CBL: variants seen among roughly 807,000 people sequenced by gnomAD.
The protein encoded by CBL is Cbl proto-oncogene.
In CBL, 45 loss-of-function variants were observed where a neutral mutation model predicts 96.9. That is an observed-to-expected ratio of 0.46 (90% CI 0.37 to 0.60). The LOEUF (loss-of-function observed/expected upper bound fraction) is 0.60. Among genes scored for constraint, CBL ranks in the 20% least tolerant of loss-of-function variants. The probability of loss-of-function intolerance (pLI) is 0.00; values close to 1 mark genes in which losing one functional copy is unlikely to be tolerated. For missense variants in CBL, 1,024 were observed against 1,143.5 expected, an observed-to-expected ratio of 0.90 and a Z score of 1.51; for synonymous variants, 420 against 426.8, an observed-to-expected ratio of 0.98 and a Z score of 0.20.
chr11:119,287,337 G>A (rs1170606883), intron 11 of CBL, among the ~76,000 whole-genome samples: 2 of 152,238 alleles, frequency 1.3e-5, no homozygotes, highest in Non-Finnish European at 2.9e-5. Flanking sequence ...GTTGATGGAA[G>A]CATCAGCAAG....
intron 12 of CBL, among the ~76,000 whole-genome samples, chr11:119,295,741 C>G (rs745311368): frequency 1.3e-5 from 2 of 152,006 alleles, no homozygotes; most frequent in African/African-American, 4.8e-5. Context: ...ACTGTCCTCC[C>G]GCCATCTCAT....
intron 2 of CBL, among the ~76,000 whole-genome samples, chr11:119,250,087 C>T (rs1157843068): frequency 6.6e-6 from 1 of 151,774 alleles, no homozygotes; most frequent in Non-Finnish European, 1.5e-5. Context: ...TGCCAGACAT[C>T]GTTAATCTTA....
At chr11:119,287,816 G>A in intron 11 of CBL, 36 bp from the exon 12 acceptor site, 1 of 1,340,780 alleles carries the variant, frequency 7.5e-7, no homozygotes, top group Non-Finnish European at 1.1e-6. Context: ...GCTGTGGTAA[G>A]AAAGTTGTTT....
chr11:119,285,474 C>G lies in CBL; in HGVS notation c.1849C>G (p.Arg617Gly), dbSNP rs538013681. The change falls in exon 11 of 16, where the codon CGG becomes GGG. Residue 617 changes from arginine to glycine, a missense_variant. This residue lies in a region of CBL where 695 missense variants were observed against 661.6 expected (regional missense o/e 1.05). Coordinates refer to ENST00000264033, the MANE Select transcript of CBL (RefSeq NM_005188.4). ...CTGGACAGGAAGAGAATTAACCAACCGGCACTCACTTCCATTTTCATTGCC... is the reference window on the plus strand; with the variant it reads ...CTGGACAGGAAGAGAATTAACCAACGGGCACTCACTTCCATTTTCATTGCC... Reference protein sequence around the residue: ...DPWTGRELTNRHSLPFSLPSQ... With the variant: ...DPWTGRELTNGHSLPFSLPSQ... The G allele has an allele frequency of 1.2e-6, 2 of 1,614,122 alleles. No individual in the cohort carries two copies. Among genetic ancestry groups the G allele is most frequent in the East Asian group, 2.2e-5 (1 of 44,886 alleles).
At chr11:119,262,926 C>T (rs888244004) in intron 2 of CBL, among the ~76,000 whole-genome samples, 1 of 152,220 alleles carries the variant, frequency 6.6e-6, no homozygotes, top group Non-Finnish European at 1.5e-5. Flanking sequence ...AGAGCCCTGG[C>T]TCTTGAATTT....
intron 12 of CBL, among the ~76,000 whole-genome samples, chr11:119,292,365 G>A (rs753279303): frequency 5.5e-5 from 8 of 145,752 alleles, no homozygotes; most frequent in Non-Finnish European, 9.0e-5. Context: ...GAGCTCTTAT[G>A]CTGATGTCTT....
At chr11:119,245,642 T>A (rs745626353) in intron 2 of CBL, among the ~76,000 whole-genome samples, 1 of 151,994 alleles carries the variant, frequency 6.6e-6, no homozygotes, top group Admixed American at 6.6e-5. Flanking sequence ...GGCAGGAGAA[T>A]CACTTGAACC....
At chr11:119,245,865 GCTGGAATTT>G (rs1949624294) in intron 2 of CBL, among the ~76,000 whole-genome samples, 1 of 151,350 alleles carries the variant, frequency 6.6e-6, no homozygotes. Flanking sequence ...TGTTGCCCGG[GCTGGAATTT>G]CTGTTGTTAT....
chr11:119,250,648 T>C (rs1328071445), intron 2 of CBL, among the ~76,000 whole-genome samples: 1 of 152,184 alleles, frequency 6.6e-6, no homozygotes, highest in Non-Finnish European at 1.5e-5. Context: ...TATTGCCTGG[T>C]GTCCAGTTTG....
chr11:119,284,986 T>A lies in CBL; in HGVS notation c.1449T>A (p.Ser483=). 2 of 1,614,158 alleles carry A rather than the reference T, an allele frequency of 1.2e-6. No homozygotes were observed. Among genetic ancestry groups the A allele is most frequent in the South Asian group, 2.2e-5 (2 of 91,080 alleles). The stretch of plus-strand genomic sequence containing the variant: ...TACCCTAGGTGGAACGGCCGCCTTC[T>A]CCATTCTCCATGGCCCCACAAGCTT... The part of the protein sequence containing the change: ...LAGAKVERPP[S]PFSMAPQASL... The change falls in exon 10 of 16, where the codon TCT becomes TCA. Residue 483 remains serine (S), a synonymous_variant. Coordinates refer to ENST00000264033, the MANE Select transcript of CBL (RefSeq NM_005188.4).
At chr11:119,267,348 T>TG (rs1295248873) in intron 2 of CBL, among the ~76,000 whole-genome samples, 1 of 152,242 alleles carries the variant, frequency 6.6e-6, no homozygotes, top group Non-Finnish European at 1.5e-5. Context: ...TTTGTTTGTG[T>TG]GGCTTACTTC....
intron 2 of CBL, among the ~76,000 whole-genome samples, chr11:119,263,696 A>C (rs965617231): frequency 5.3e-5 from 8 of 152,202 alleles, no homozygotes; most frequent in Non-Finnish European, 8.8e-5. Flanking sequence ...TAAGTCGATG[A>C]TAAGAGTTAA....
At chr11:119,208,617 C>T (rs1949293443) in intron 1 of CBL, among the ~76,000 whole-genome samples, 1 of 152,108 alleles carries the variant, frequency 6.6e-6, no homozygotes, top group Non-Finnish European at 1.5e-5. Flanking sequence ...TCTCGAACTC[C>T]TGACCTCAGG....
chr11:119,253,450 CAAA>C (rs66912490), intron 2 of CBL, among the ~76,000 whole-genome samples: 9 of 84,996 alleles, frequency 1.1e-4, no homozygotes, highest in Admixed American at 1.3e-4. Context: ...GACCTCATCT[CAAA>C]AAAAAAAAAA....
intron 11 of CBL, among the ~76,000 whole-genome samples, chr11:119,286,214 C>G (rs1480828830): frequency 6.6e-6 from 1 of 152,012 alleles, no homozygotes; most frequent in Non-Finnish European, 1.5e-5. Flanking sequence ...GCAGGAGATT[C>G]ATTTGAACCT....
chr11:119,245,956 CTTTTTTTTTTTTTTTTTTTT>C (rs71048054), intron 2 of CBL, among the ~76,000 whole-genome samples: 931 of 54,408 alleles, frequency 0.017, 34 homozygotes, highest in South Asian at 0.052. Flanking sequence ...CTTTGCAAAT[CTTTTTTTTTTTTTTTTTTTT>C]TTTTTTTTTT....
intron 2 of CBL, among the ~76,000 whole-genome samples, chr11:119,266,959 A>G (rs1220340979): frequency 6.6e-6 from 1 of 152,208 alleles, no homozygotes. Context: ...AGTTAAGGTA[A>G]CTGCTGACAG....
chr11:119,301,039 G>C lies in CBL; in HGVS notation c.*1258G>C. Reference sequence around the variant, plus strand: ...TTTAAGGAGTGGGGATAATGTCCACGGTGGCCCAGCCTCTTGCTGATGGCA... The same window carrying C: ...TTTAAGGAGTGGGGATAATGTCCACCGTGGCCCAGCCTCTTGCTGATGGCA... On this transcript the variant is annotated 3_prime_UTR_variant, in exon 16 of 16. Coordinates refer to ENST00000264033, the MANE Select transcript of CBL (RefSeq NM_005188.4). 4.3e-6 allele frequency: 1 copy of C among 233,404 alleles called. No individual in the cohort carries two copies. 14.5% of individuals were successfully genotyped at this position (233,404 alleles called of 1,614,324 possible). A position where few individuals can be genotyped will look rare whatever the true frequency, so the allele number is the denominator to read the frequency against.
At chr11:119,236,969 T>G (rs535393181) in intron 2 of CBL, among the ~76,000 whole-genome samples, 4 of 152,282 alleles carry the variant, frequency 2.6e-5, no homozygotes, top group African/African-American at 7.2e-5. Flanking sequence ...TAGAAATAAT[T>G]CATAAATTTT....
Sources: gnomAD v4.1 joint callset for allele counts (sites outside exome capture counted in the v4.1 genomes callset) on GRCh38, gnomAD v4.1.1 for gene constraint, gnomAD v4.1.1 regional missense constraint, MANE v1.5 for transcripts, NCBI Gene and HGNC (gene_info 2026-07-23, HGNC 2026-07-21) for gene names.